Variants in RNF19A observed in about 807,000 individuals in gnomAD.
The protein encoded by RNF19A is E3 ubiquitin-protein ligase RNF19A.
Under a neutral mutation model 75.7 loss-of-function variants are expected in RNF19A, and 32 were observed. The observed-to-expected ratio is 0.42, with a 90% confidence interval of 0.32 to 0.57. RNF19A has a LOEUF of 0.57. RNF19A is among the 20% of genes least tolerant of loss of function. RNF19A has a pLI of 0.10. For missense variants in RNF19A, 782 were observed against 1,036.3 expected, an observed-to-expected ratio of 0.75 and a Z score of 3.37; for synonymous variants, 335 against 345.2, an observed-to-expected ratio of 0.97 and a Z score of 0.33.
intron 1 of RNF19A, among the ~76,000 whole-genome samples, chr8:100,288,954 G>A (rs1428075609): frequency 6.6e-6 from 1 of 151,810 alleles, no homozygotes; most frequent in Non-Finnish European, 1.5e-5. Flanking sequence ...CAGCTATTCG[G>A]GAGGCTGAGG....
chr8:100,314,202 A>G (rs182935075), upstream of RNF19A, among the ~76,000 whole-genome samples: 5 of 152,138 alleles, frequency 3.3e-5, no homozygotes, highest in East Asian at 9.6e-4. This position sits in a 1 kb window ranked among gnomAD's most constrained non-coding sequence, Gnocchi z 4.1. Flanking sequence ...TTTATTGCAT[A>G]CATACTATAT....
rs1819701647 is a variant in RNF19A at position 100,261,296 on chromosome 8, C to T, written c.1682+246G>A. Among the ~76,000 whole-genome samples, 1 of 151,766 alleles carries T rather than the reference C, an allele frequency of 6.6e-6. No individual in the cohort carries two copies. Among genetic ancestry groups the T allele is most frequent in the Non-Finnish European group, 1.5e-5 (1 of 67,952 alleles). On this transcript the variant is annotated intron_variant, in intron 8 of 9. Transcript: ENST00000341084. This position sits in a 1 kb window ranked among gnomAD's most constrained non-coding sequence, Gnocchi z 4.4. ...TTTTTTTAGTAGAGATGGGGTTTCG[C>T]CATGTTGCCCAGGCTGGTCTCGAAC...
At chr8:100,314,895 G>A (rs192499822), upstream of RNF19A, among the ~76,000 whole-genome samples, 16 of 152,274 alleles carry the variant, frequency 1.1e-4, no homozygotes, top group East Asian at 2.7e-3. The surrounding 1 kb of genome is among the most constrained non-coding windows in gnomAD (Gnocchi z 4.1). Context: ...AGAGGAAGCA[G>A]GCACAGAAGC....
At chr8:100,318,021 A>G (rs955301926) in intron 1 of RNF19A, among the ~76,000 whole-genome samples, 2 of 150,914 alleles carry the variant, frequency 1.3e-5, no homozygotes, top group Admixed American at 6.6e-5. Flanking sequence ...ACCCCATGCC[A>G]TGGCTCCTTC....
In RNF19A at chr8:100,275,685, T is replaced by C. The variant is rs1820474795; in HGVS notation, c.675-524A>G. Among the ~76,000 whole-genome samples, 1 of 152,212 alleles carries C rather than the reference T, an allele frequency of 6.6e-6. No homozygotes were observed. The highest frequency in any genetic ancestry group is 2.4e-5 in the African/African-American group (1 of 41,450). On this transcript the variant is annotated intron_variant, in intron 2 of 9. Transcript: ENST00000341084. The surrounding 1 kb of genome is among the most constrained non-coding windows in gnomAD (Gnocchi z 4.3). ...GAAGGAAAAACACCAAAAATCTTAATAATGGTTTTCTTGGTATTGGGTTTT... is the reference window on the plus strand; with the variant it reads ...GAAGGAAAAACACCAAAAATCTTAACAATGGTTTTCTTGGTATTGGGTTTT...
intron 1 of RNF19A, among the ~76,000 whole-genome samples, chr8:100,299,507 C>G (rs766046359): frequency 6.6e-5 from 10 of 152,160 alleles, no homozygotes; most frequent in Non-Finnish European, 1.0e-4. Flanking sequence ...CGCCTGTAAT[C>G]CCGGCGCTTT....
rs1006330062 is a variant in RNF19A, at chr8:100,261,842, T to C, written c.1469-87A>G. On this transcript the variant is annotated intron_variant, in intron 7 of 9. Transcript: ENST00000341084. The surrounding 1 kb of genome is among the most constrained non-coding windows in gnomAD (Gnocchi z 4.4). Reference sequence around the variant, plus strand: ...TTCCTCCATGATTTCAGAGAGGACATTATATAAGGTATAAAATATACGCAG... The same window carrying C: ...TTCCTCCATGATTTCAGAGAGGACACTATATAAGGTATAAAATATACGCAG... The C allele has an allele frequency of 8.4e-6, 11 of 1,308,962 alleles. No homozygotes were observed. Among genetic ancestry groups the C allele is most frequent in the African/African-American group, 2.9e-5 (2 of 68,608 alleles). 81.1% of individuals were successfully genotyped at this position (1,308,962 alleles called of 1,614,324 possible). A position where few individuals can be genotyped will look rare whatever the true frequency, so the allele number is the denominator to read the frequency against.
Position 100,258,386 on chromosome 8 carries a change from A to G in RNF19A, c.*170T>C. On this transcript the variant is annotated 3_prime_UTR_variant, in exon 10 of 10. Transcript: ENST00000341084. This position sits in a 1 kb window ranked among gnomAD's most constrained non-coding sequence, Gnocchi z 4.3. Reference sequence around the variant, plus strand: ...TAAAGCCTTCACTTCATAGTTTGGTAACTAAGATCCACATGACACACAATG... The same window carrying G: ...TAAAGCCTTCACTTCATAGTTTGGTGACTAAGATCCACATGACACACAATG... The G allele has an allele frequency of 1.8e-6, 1 of 555,852 alleles. No individual in the cohort carries two copies. The highest frequency in any genetic ancestry group is 3.0e-5 in the East Asian group (1 of 33,826). 34.4% of individuals were successfully genotyped at this position (555,852 alleles called of 1,614,324 possible). A position where few individuals can be genotyped will look rare whatever the true frequency, so the allele number is the denominator to read the frequency against.
intron 5 of RNF19A, among the ~76,000 whole-genome samples, chr8:100,265,286 T>C (rs950168018): frequency 6.6e-6 from 1 of 152,204 alleles, no homozygotes; most frequent in Non-Finnish European, 1.5e-5. Flanking sequence ...TATTATTTTT[T>C]TCTCAGATCC....
chr8:100,307,245 A>G (rs775267515), intron 1 of RNF19A, among the ~76,000 whole-genome samples: 78 of 152,194 alleles, frequency 5.1e-4, no homozygotes, highest in Non-Finnish European at 1.3e-4. Flanking sequence ...TTCCTATATA[A>G]CCCGAGTAGA....
chr8:100,298,605 A>G (rs1349611439), intron 1 of RNF19A, among the ~76,000 whole-genome samples: 1 of 152,202 alleles, frequency 6.6e-6, no homozygotes, highest in Non-Finnish European at 1.5e-5. Flanking sequence ...AGCTATTCCC[A>G]TAAGCCACAA....
In RNF19A at chr8:100,287,354, G is replaced by C. The variant is rs183389372; in HGVS notation, c.674+147C>G. On this transcript the variant is annotated intron_variant, in intron 2 of 9. Transcript: ENST00000341084. The surrounding 1 kb of genome is among the most constrained non-coding windows in gnomAD (Gnocchi z 4.1). ...ATAGGATCACTGCCTTTAACACCTAGCATAGTGCCTGACATATGGTGTGCA... is the reference window on the plus strand; with the variant it reads ...ATAGGATCACTGCCTTTAACACCTACCATAGTGCCTGACATATGGTGTGCA... 3.0e-6 allele frequency: 2 copies of C among 661,658 alleles called. No homozygotes were observed. The highest frequency in any genetic ancestry group is 5.4e-5 in the East Asian group (2 of 36,838). The allele number at this position is 661,658 out of a possible 1,614,324, so 41.0% of individuals were successfully genotyped here.
Position 100,275,149 on chromosome 8 carries a change from T to G in RNF19A, c.687A>C (p.Ile229=). 6.2e-7 allele frequency: 1 copy of G among 1,613,704 alleles called. No homozygotes were observed. The highest frequency in any genetic ancestry group is 1.1e-5 in the South Asian group (1 of 91,026). ...TTGGACAGCTGGCACATCCAAATGC[T>G]ATCACAGCATATCTTGAAAGAACAA... is the stretch of plus-strand genomic sequence containing the variant. The part of the protein sequence containing the change: ...CPAPDCGYAV[I]AFGCASCPKL... The change falls in exon 3 of 10, where the codon ATA becomes ATC. Residue 229 remains isoleucine, a synonymous_variant. Coordinates refer to ENST00000341084, the MANE Select transcript of RNF19A (RefSeq NM_183419.4). This position sits in a 1 kb window ranked among gnomAD's most constrained non-coding sequence, Gnocchi z 4.3.
At chr8:100,318,174 C>G (rs553119753) in intron 1 of RNF19A, among the ~76,000 whole-genome samples, 48 of 152,306 alleles carry the variant, frequency 3.2e-4, no homozygotes, top group Middle Eastern at 3.4e-3. Context: ...GTTTTAGCAC[C>G]TGGTATAGTT....
rs186543477 is a variant in RNF19A, at chr8:100,287,417, A to C, written c.674+84T>G. 7.6e-7 allele frequency: 1 copy of C among 1,322,344 alleles called. No individual in the cohort carries two copies. 81.9% of individuals were successfully genotyped at this position (1,322,344 alleles called of 1,614,324 possible). ...GTTGAATGAATTCTCCAGCATGTAA[A>C]AATTTTTCTTTTGAGTAATAGCAAA... On this transcript the variant is annotated intron_variant, in intron 2 of 9. Transcript: ENST00000341084. The surrounding 1 kb of genome is among the most constrained non-coding windows in gnomAD (Gnocchi z 4.1).
chr8:100,300,629 G>A (rs190732572), intron 1 of RNF19A: 6 of 151,708 alleles, frequency 4.0e-5, no homozygotes, highest in African/African-American at 1.5e-4. Flanking sequence ...TTCCACCCTG[G>A]GTGACACAGT....
At chr8:100,298,814 C>T (rs772187358) in intron 1 of RNF19A, among the ~76,000 whole-genome samples, 10 of 152,162 alleles carry the variant, frequency 6.6e-5, no homozygotes, top group African/African-American at 2.2e-4. Context: ...ATTACTCATT[C>T]AATTTCTCCA....
chr8:100,306,593 A>G (rs1167356601), intron 1 of RNF19A, among the ~76,000 whole-genome samples: 1 of 152,182 alleles, frequency 6.6e-6, no homozygotes, highest in East Asian at 1.9e-4. Context: ...TTCCACTTTG[A>G]TATAGAAAGT....
intron 2 of RNF19A, among the ~76,000 whole-genome samples, chr8:100,281,174 T>C (rs1415583601): frequency 6.6e-6 from 1 of 152,092 alleles, no homozygotes; most frequent in Non-Finnish European, 1.5e-5. Context: ...ATGCTTAACC[T>C]AGGAGTGGAT....
Sources: gnomAD v4.1 joint callset for allele counts (sites outside exome capture counted in the v4.1 genomes callset) on GRCh38, gnomAD v4.1.1 for gene constraint, Gnocchi (gnomAD v3.1) non-coding constraint, MANE v1.5 for transcripts, NCBI Gene and HGNC (gene_info 2026-07-23, HGNC 2026-07-21) for gene names.